AKT3: variants seen among roughly 807,000 people sequenced by gnomAD.
The protein encoded by AKT3 is AKT serine/threonine kinase 3, also known as RAC-gamma serine/threonine-protein kinase.
A neutral mutation model predicts 65.3 loss-of-function variants in AKT3; 15 were observed. That is an observed-to-expected ratio of 0.23 (90% CI 0.15 to 0.35). The LOEUF (loss-of-function observed/expected upper bound fraction) is 0.35. Ranked by LOEUF, AKT3 falls within the 10% of genes least tolerant of loss-of-function variation. The pLI, the probability that AKT3 is intolerant of heterozygous loss-of-function variation, is 1.00. For synonymous variants in AKT3, 206 were observed against 183.8 expected (o/e 1.12, Z -0.98); for missense variants, 243 against 576.5 (o/e 0.42, Z 5.92).
intron 8 of AKT3, among the ~76,000 whole-genome samples, chr1:243,594,847 T>G (rs1023610461): frequency 1.3e-5 from 2 of 152,196 alleles, no homozygotes; most frequent in Non-Finnish European, 2.9e-5. Flanking sequence ...CCCAAAGTGC[T>G]GGGATTACAG....
intron 13 of AKT3, among the ~76,000 whole-genome samples, chr1:243,511,791 A>G (rs1670030683): frequency 6.6e-6 from 1 of 152,242 alleles, no homozygotes; most frequent in Non-Finnish European, 1.5e-5. Context: ...ACATGAACAC[A>G]CAGTTTTCAT....
intron 13 of AKT3, among the ~76,000 whole-genome samples, chr1:243,493,777 T>C (rs1027143188): frequency 2.6e-5 from 4 of 151,786 alleles, no homozygotes; most frequent in African/African-American, 9.7e-5. Flanking sequence ...ATCATCGACA[T>C]TATCTCATTA....
At chr1:243,539,608 A>G (rs1008073173) in intron 12 of AKT3, among the ~76,000 whole-genome samples, 2 of 152,214 alleles carry the variant, frequency 1.3e-5, no homozygotes, top group Non-Finnish European at 2.9e-5. Context: ...CAAATCTTTT[A>G]AAGTGTAAAA....
chr1:243,718,225 C>T (rs1418423281), intron 2 of AKT3, among the ~76,000 whole-genome samples: 1 of 152,142 alleles, frequency 6.6e-6, no homozygotes, highest in Admixed American at 6.5e-5. Context: ...GTAAGAAAAT[C>T]CCCATGTCTT....
At chr1:243,780,142 A>G (rs1260585346) in intron 2 of AKT3, among the ~76,000 whole-genome samples, 1 of 152,134 alleles carries the variant, frequency 6.6e-6, no homozygotes, top group Non-Finnish European at 1.5e-5. Flanking sequence ...AAAGAATCAT[A>G]CGACAAGATT....
chr1:243,651,183 C>G (rs981866540), intron 4 of AKT3, among the ~76,000 whole-genome samples: 2 of 152,044 alleles, frequency 1.3e-5, no homozygotes, highest in Non-Finnish European at 2.9e-5. Flanking sequence ...GGAGTTCACT[C>G]ATGGTTTGGC....
At chr1:243,684,755 C>T (rs1684166253) in intron 3 of AKT3, among the ~76,000 whole-genome samples, 3 of 152,192 alleles carry the variant, frequency 2.0e-5, no homozygotes, top group African/African-American at 7.2e-5. Context: ...AACGGTTGAA[C>T]TAATTTACAC....
intron 12 of AKT3, among the ~76,000 whole-genome samples, chr1:243,538,138 TTTA>T (rs1299009982): frequency 3.3e-5 from 5 of 152,186 alleles, no homozygotes; most frequent in Non-Finnish European, 5.9e-5. Flanking sequence ...TATTGTGGTG[TTTA>T]TTAACATATG....
At chr1:243,676,769 G>A (rs1052428760) in intron 3 of AKT3, among the ~76,000 whole-genome samples, 1 of 151,906 alleles carries the variant, frequency 6.6e-6, no homozygotes, top group South Asian at 2.1e-4. Context: ...CAGTTTGTTC[G>A]TTATGACTCT....
intron 9 of AKT3, among the ~76,000 whole-genome samples, chr1:243,564,605 T>G (rs940672246): frequency 1.2e-4 from 18 of 152,034 alleles, no homozygotes; most frequent in African/African-American, 2.4e-5. Context: ...CCAACACAAT[T>G]AGAAATAACA....
At chr1:243,766,101 C>T (rs1689799610) in intron 2 of AKT3, among the ~76,000 whole-genome samples, 1 of 152,118 alleles carries the variant, frequency 6.6e-6, no homozygotes, top group Admixed American at 6.6e-5. Context: ...GTAAGTCTGG[C>T]ACAGAGTAAG....
intron 2 of AKT3, among the ~76,000 whole-genome samples, chr1:243,719,740 A>G (rs1008635841): frequency 6.6e-6 from 1 of 152,116 alleles, no homozygotes; most frequent in Non-Finnish European, 1.5e-5. Flanking sequence ...GGGAAGAGAG[A>G]AAGAACACTG....
intron 4 of AKT3, among the ~76,000 whole-genome samples, chr1:243,660,749 C>T (rs1211784604): frequency 2.6e-5 from 4 of 152,178 alleles, no homozygotes; most frequent in East Asian, 3.9e-4. Flanking sequence ...GGTATTCAAT[C>T]AGGAAAAGAG....
intron 1 of AKT3, among the ~76,000 whole-genome samples, chr1:243,844,795 T>C (rs1221754919): frequency 2.0e-5 from 3 of 152,196 alleles, no homozygotes; most frequent in African/African-American, 4.8e-5. Flanking sequence ...ATAAGATGTA[T>C]GCGGGAAAGT....
At position 243,660,495 on chromosome 1, in the gene AKT3, T is replaced by C. The variant is rs534172018; in HGVS notation, c.284+4277A>G. ...TCTCAATAGATGCAGAAAAGGCCTT[T>C]GACAAAATTCAACAACCCTTCATGC... is the stretch of plus-strand genomic sequence containing the variant. On this transcript the variant is annotated intron_variant, in intron 4 of 13. Coordinates refer to ENST00000673466, the MANE Select transcript of AKT3 (RefSeq NM_005465.7). Among the ~76,000 whole-genome samples, 533 of 152,260 alleles carry C rather than the reference T, an allele frequency of 3.5e-3. 2 individuals carry two copies. The highest frequency in any genetic ancestry group is 0.012 in the African/African-American group (514 of 41,542).
chr1:243,767,167 T>C (rs1378556875), intron 2 of AKT3, among the ~76,000 whole-genome samples: 3 of 152,106 alleles, frequency 2.0e-5, no homozygotes, highest in Non-Finnish European at 2.9e-5. Flanking sequence ...ATTATGTAGG[T>C]ATCAAAAGAA....
At chr1:243,526,148 C>T (rs1416310660) in intron 12 of AKT3, among the ~76,000 whole-genome samples, 1 of 151,916 alleles carries the variant, frequency 6.6e-6, no homozygotes, top group Non-Finnish European at 1.5e-5. Flanking sequence ...ACTGCTGAGG[C>T]TTCATGTCCA....
In AKT3 at chr1:243,508,794, T is replaced by C. The variant is rs527842782; in HGVS notation, c.1355-3460A>G. On this transcript the variant is annotated intron_variant, in intron 13 of 13. Coordinates refer to ENST00000673466, the MANE Select transcript of AKT3 (RefSeq NM_005465.7). ...GATCCTCCTGCCTCAGCCTCCCGAG[T>C]GGCTGGAATCACAGGAATGCACCAC... Among the ~76,000 whole-genome samples the C allele has an allele frequency of 1.4e-4, 21 of 151,414 alleles. No individual in the cohort carries two copies. In the South Asian group the frequency reaches 3.6e-3, roughly 26 times the overall value.
chr1:243,676,683 G>A (rs1053918357), intron 3 of AKT3, among the ~76,000 whole-genome samples: 1 of 152,242 alleles, frequency 6.6e-6, no homozygotes, highest in African/African-American at 2.4e-5. Context: ...AATCACCCAA[G>A]AAACACTTCC....
Sources: gnomAD v4.1 joint callset for allele counts (sites outside exome capture counted in the v4.1 genomes callset) on GRCh38, gnomAD v4.1.1 for gene constraint, MANE v1.5 for transcripts, NCBI Gene and HGNC (gene_info 2026-07-23, HGNC 2026-07-21) for gene names.